Variants in MAGI1 observed in about 807,000 individuals in gnomAD.
MAGI1 encodes membrane-associated guanylate kinase, WW and PDZ domain-containing protein 1.
A neutral mutation model predicts 139.9 loss-of-function variants in MAGI1; 58 were observed. That is an observed-to-expected ratio of 0.41 (90% CI 0.34 to 0.52). The LOEUF is 0.52. Ranked by LOEUF, MAGI1 falls within the 20% of genes least tolerant of loss-of-function variation. MAGI1 has a pLI of 0.12. For synonymous variants in MAGI1, 812 were observed against 737.9 expected, an observed-to-expected ratio of 1.10 and a Z score of -1.63; for missense variants, 1,874 against 1,901.6, an observed-to-expected ratio of 0.99 and a Z score of 0.27.
chr3:65,430,218 A>T, intron 11 of MAGI1, 78 bp from the exon 12 acceptor site: 3 of 1,440,520 alleles, frequency 2.1e-6, no homozygotes, highest in Non-Finnish European at 2.9e-6. Context: ...TCTCCCACTA[A>T]CATAAAGCTG....
intron 1 of MAGI1, among the ~76,000 whole-genome samples, chr3:65,703,761 G>A (rs75733749): frequency 0.12 from 18,681 of 152,176 alleles, 1,454 homozygotes; most frequent in Non-Finnish European, 0.19. Flanking sequence ...GGGAGAGAAG[G>A]AGGGAGAGTG....
chr3:65,802,119 GT>G (rs1313706773), intron 1 of MAGI1, among the ~76,000 whole-genome samples: 1 of 152,040 alleles, frequency 6.6e-6, no homozygotes, highest in Non-Finnish European at 1.5e-5. Flanking sequence ...CATGAAACCG[GT>G]CCCTGGTGCC....
chr3:65,879,956 T>C (rs2060259769), intron 1 of MAGI1, among the ~76,000 whole-genome samples: 1 of 152,216 alleles, frequency 6.6e-6, no homozygotes, highest in African/African-American at 2.4e-5. Flanking sequence ...TGGCATCAGC[T>C]ACTAGAATCT....
intron 1 of MAGI1, among the ~76,000 whole-genome samples, chr3:66,032,648 G>C (rs888105479): frequency 3.3e-5 from 5 of 151,780 alleles, no homozygotes; most frequent in African/African-American, 1.2e-4. Flanking sequence ...GCCCGTTGCG[G>C]TGGCTCACGC....
rs142683561 is a variant in MAGI1 at position 66,028,750 on chromosome 3, C to T, written c.313+9246G>A. On this transcript the variant is annotated intron_variant, in intron 1 of 22. Coordinates refer to ENST00000402939, the MANE Select transcript of MAGI1 (RefSeq NM_001033057.2). ...GAGAAACTCGGGCAACTCAAACCTC[C>T]GTGAGGTCCGGAGGCTTCCTTCCTA... is the stretch of plus-strand genomic sequence containing the variant. 3.9e-5 allele frequency among the ~76,000 whole-genome samples: 6 copies of T among 152,264 alleles called. No homozygotes were observed. The East Asian group carries it at 1.2e-3, about 29-fold the overall frequency.
At chr3:65,903,529 C>G (rs145383801) in intron 1 of MAGI1, among the ~76,000 whole-genome samples, 148 of 152,240 alleles carry the variant, frequency 9.7e-4, no homozygotes, top group African/African-American at 3.3e-3. Context: ...AAATGTAATG[C>G]AACACACACA....
intron 4 of MAGI1, 22 bp downstream of exon 4, chr3:65,478,570 G>A (rs1250075322): frequency 1.2e-6 from 2 of 1,609,032 alleles, no homozygotes; most frequent in Admixed American, 1.7e-5. Context: ...GTCCATTGAG[G>A]GCAACATGAT....
intron 1 of MAGI1, among the ~76,000 whole-genome samples, chr3:65,923,343 A>G (rs193002322): frequency 1.2e-4 from 18 of 150,496 alleles, no homozygotes; most frequent in African/African-American, 4.2e-4. Context: ...CTCCTGCCTC[A>G]GTCTCCCGAG....
At chr3:65,972,125 T>G (rs184838973) in intron 1 of MAGI1, among the ~76,000 whole-genome samples, 1 of 152,226 alleles carries the variant, frequency 6.6e-6, no homozygotes, top group East Asian at 1.9e-4. Flanking sequence ...CCACCTCACA[T>G]TGCAAAGCAG....
chr3:65,803,569 CA>C (rs1476947675), intron 1 of MAGI1, among the ~76,000 whole-genome samples: 3 of 152,088 alleles, frequency 2.0e-5, no homozygotes, highest in Admixed American at 1.3e-4. Context: ...ATTTTAGGTT[CA>C]GGGGTACATA....
chr3:65,689,584 C>T (rs1317972323), intron 1 of MAGI1, among the ~76,000 whole-genome samples: 3 of 152,186 alleles, frequency 2.0e-5, no homozygotes, highest in African/African-American at 7.2e-5. Context: ...CACATCATCC[C>T]CCTAGTGGAG....
chr3:65,875,136 G>T (rs143012989), intron 1 of MAGI1: 197 of 152,642 alleles, frequency 1.3e-3, no homozygotes, highest in Admixed American at 1.9e-3. Context: ...ATGCTAAGAA[G>T]CCAGTCACAA....
At chr3:65,414,800 G>A (rs1261650795) in intron 12 of MAGI1, among the ~76,000 whole-genome samples, 3 of 151,178 alleles carry the variant, frequency 2.0e-5, no homozygotes, top group East Asian at 1.9e-4. Flanking sequence ...TTGGGAGGCC[G>A]AGGCAGGCAG....
intron 2 of MAGI1, among the ~76,000 whole-genome samples, chr3:65,517,706 G>A (rs1011222485): frequency 1.3e-5 from 2 of 152,020 alleles, no homozygotes; most frequent in Non-Finnish European, 2.9e-5. Context: ...CCACCTTCTC[G>A]GACATCTGAG....
intron 1 of MAGI1, among the ~76,000 whole-genome samples, chr3:65,789,408 T>C (rs17073800): frequency 0.065 from 9,821 of 152,136 alleles, 424 homozygotes; most frequent in African/African-American, 0.12. Context: ...GAGAATGGCA[T>C]AGACCCTGAA....
chr3:65,985,947 CAAG>C (rs1169282686), intron 1 of MAGI1, among the ~76,000 whole-genome samples: 3 of 152,200 alleles, frequency 2.0e-5, no homozygotes, highest in Non-Finnish European at 4.4e-5. Flanking sequence ...AACTGTTAGT[CAAG>C]AAGAATGTAT....
intron 1 of MAGI1, among the ~76,000 whole-genome samples, chr3:65,646,386 G>T (rs2085260814): frequency 1.3e-5 from 2 of 151,634 alleles, no homozygotes; most frequent in East Asian, 3.9e-4. Flanking sequence ...CAAGAGAGCT[G>T]CAAAATACAT....
chr3:65,420,582 C>CA (rs1946570135), intron 12 of MAGI1, among the ~76,000 whole-genome samples: 1 of 152,110 alleles, frequency 6.6e-6, no homozygotes. Flanking sequence ...AGTGCCTAGA[C>CA]GATGACAGGC....
chr3:65,700,942 G>T (rs760926646), intron 1 of MAGI1, among the ~76,000 whole-genome samples: 1 of 152,108 alleles, frequency 6.6e-6, no homozygotes, highest in Non-Finnish European at 1.5e-5. Flanking sequence ...CAATCCTTTA[G>T]AACATGAAGG....
Sources: gnomAD v4.1 joint callset for allele counts (sites outside exome capture counted in the v4.1 genomes callset) on GRCh38, gnomAD v4.1.1 for gene constraint, MANE v1.5 for transcripts, NCBI Gene and HGNC (gene_info 2026-07-23, HGNC 2026-07-21) for gene names.